Variants in DLG2 observed in about 807,000 individuals in gnomAD.
DLG2 encodes the protein discs large MAGUK scaffold protein 2.
Under a neutral mutation model 132.5 loss-of-function variants are expected in DLG2, and 45 were observed. That is an observed-to-expected ratio of 0.34 (90% CI 0.27 to 0.44). The LOEUF is 0.44. Ranked by LOEUF, DLG2 falls within the 20% of genes least tolerant of loss-of-function variation. The pLI is 1.00. For synonymous variants in DLG2, 424 were observed against 419.6 expected, an observed-to-expected ratio of 1.01 and a Z score of -0.13; for missense variants, 1,045 against 1,196.9, an observed-to-expected ratio of 0.87 and a Z score of 1.87.
At chr11:84,172,977 G>A (rs1309607385) in intron 8 of DLG2, among the ~76,000 whole-genome samples, 7 of 151,338 alleles carry the variant, frequency 4.6e-5, no homozygotes, top group African/African-American at 7.3e-5. Flanking sequence ...GAAAGCACAC[G>A]TTTTTTTGTA....
rs975405750 is a variant in DLG2 at position 84,304,633 on chromosome 11, A to G, written c.520-53342T>C. Among the ~76,000 whole-genome samples the G allele has an allele frequency of 2.2e-3, 331 of 152,338 alleles. 5 individuals are homozygous for G. The highest frequency in any genetic ancestry group is 2.9e-4 in the Non-Finnish European group (20 of 68,028). On this transcript the variant is annotated intron_variant, in intron 7 of 27. Coordinates refer to ENST00000376104, the MANE Select transcript of DLG2 (RefSeq NM_001142699.3). ...CAGCACAAAAACAGCTACAGACAAT[A>G]TGTAAACAAATAAGCATGGCTGTGT... is the stretch of plus-strand genomic sequence containing the variant.
At chr11:84,219,726 T>A (rs1227308509) in intron 8 of DLG2, among the ~76,000 whole-genome samples, 2 of 152,212 alleles carry the variant, frequency 1.3e-5, no homozygotes, top group African/African-American at 4.8e-5. Context: ...AGCTTACATA[T>A]GTGCGCCTGC....
intron 7 of DLG2, among the ~76,000 whole-genome samples, chr11:84,399,456 C>T (rs1206502754): frequency 1.3e-5 from 2 of 152,148 alleles, no homozygotes; most frequent in African/African-American, 2.4e-5. Flanking sequence ...GAAAGAGTCT[C>T]GCTCTGTCAC....
intron 14 of DLG2, among the ~76,000 whole-genome samples, chr11:83,938,036 G>C (rs1281981623): frequency 6.6e-6 from 1 of 152,138 alleles, no homozygotes; most frequent in African/African-American, 2.4e-5. Context: ...ATTGTGATTT[G>C]TTATAACAGC....
At position 85,295,303 on chromosome 11, in the gene DLG2, A is replaced by T. The variant is rs543769183; in HGVS notation, c.41-9938T>A. On this transcript the variant is annotated intron_variant, in intron 3 of 27. Transcript: ENST00000376104. Reference sequence around the variant, plus strand: ...CATATTCTTTCATGCCTACCTCCCCACTAAAAAATTCCCAATATCTTCCAA... The same window carrying T: ...CATATTCTTTCATGCCTACCTCCCCTCTAAAAAATTCCCAATATCTTCCAA... 3.3e-5 allele frequency among the ~76,000 whole-genome samples: 5 copies of T among 152,154 alleles called. No individual in the cohort carries two copies. The East Asian group carries it at 9.8e-4, about 30-fold the overall frequency.
intron 18 of DLG2, among the ~76,000 whole-genome samples, chr11:83,677,152 T>C (rs2077877536): frequency 1.3e-5 from 2 of 152,158 alleles, no homozygotes; most frequent in African/African-American, 4.8e-5. Context: ...ATATGAATGA[T>C]TCATGTTTAT....
chr11:85,034,993 T>A (rs2061333508), intron 6 of DLG2, among the ~76,000 whole-genome samples: 1 of 152,196 alleles, frequency 6.6e-6, no homozygotes. Context: ...AGATAAATAA[T>A]AACAGAAGGC....
intron 6 of DLG2, among the ~76,000 whole-genome samples, chr11:84,727,191 T>C (rs1381646991): frequency 2.0e-5 from 3 of 152,202 alleles, no homozygotes; most frequent in Admixed American, 6.5e-5. Flanking sequence ...CTGAATGGTA[T>C]TGCCCAGGTT....
At chr11:83,809,084 T>C (rs1753927727) in intron 17 of DLG2, among the ~76,000 whole-genome samples, 1 of 152,180 alleles carries the variant, frequency 6.6e-6, no homozygotes, top group Non-Finnish European at 1.5e-5. Flanking sequence ...CTGGTTGATT[T>C]ATCGTGCTTT....
chr11:85,500,408 G>C (rs1157735410), intron 3 of DLG2, among the ~76,000 whole-genome samples: 1 of 109,518 alleles, frequency 9.1e-6, no homozygotes, highest in Non-Finnish European at 1.7e-5. Flanking sequence ...GGGGGAGGGG[G>C]GAGGGATAGC....
chr11:84,166,185 A>C (rs1344414528), intron 8 of DLG2, among the ~76,000 whole-genome samples: 1 of 152,178 alleles, frequency 6.6e-6, no homozygotes, highest in Non-Finnish European at 1.5e-5. Flanking sequence ...GAGGGAAAGA[A>C]TGAGACAGAA....
At chr11:84,018,895 T>C (rs1434204645) in intron 11 of DLG2, among the ~76,000 whole-genome samples, 1 of 151,418 alleles carries the variant, frequency 6.6e-6, no homozygotes, top group Non-Finnish European at 1.5e-5. Context: ...GGAAAACATA[T>C]AGGAATAGAG....
chr11:84,158,901 T>C (rs1377745), intron 9 of DLG2, among the ~76,000 whole-genome samples: 99,744 of 152,156 alleles, frequency 0.66, 34,874 homozygotes, highest in Middle Eastern at 0.82. Flanking sequence ...AGAATAATTA[T>C]ATATGCTGCT....
intron 5 of DLG2, among the ~76,000 whole-genome samples, chr11:85,138,896 CCCAAAGCACACTGG>C (rs1566923175): frequency 6.6e-6 from 1 of 151,882 alleles, no homozygotes; most frequent in Non-Finnish European, 1.5e-5. Flanking sequence ...CTAATACATA[CCCAAAGCACACTGG>C]CCTGTTACCT....
intron 6 of DLG2, among the ~76,000 whole-genome samples, chr11:84,935,262 C>A (rs1365132992): frequency 1.3e-5 from 2 of 152,108 alleles, no homozygotes; most frequent in Admixed American, 6.6e-5. Flanking sequence ...ATATTCTTGA[C>A]CCCTCTAATC....
intron 11 of DLG2, among the ~76,000 whole-genome samples, chr11:84,013,667 G>C (rs926094491): frequency 3.3e-5 from 5 of 151,946 alleles, no homozygotes; most frequent in African/African-American, 4.8e-5. Flanking sequence ...AGAAGTTCGA[G>C]ATCAGCCTGG....
intron 6 of DLG2, among the ~76,000 whole-genome samples, chr11:84,591,510 T>C (rs1217296291): frequency 6.6e-6 from 1 of 151,638 alleles, no homozygotes; most frequent in Non-Finnish European, 1.5e-5. Flanking sequence ...CTACTAAAAA[T>C]ACAAAAATTT....
chr11:83,629,436 C>A (rs1461827760), intron 19 of DLG2, among the ~76,000 whole-genome samples: 2 of 152,150 alleles, frequency 1.3e-5, no homozygotes, highest in Non-Finnish European at 2.9e-5. Context: ...TTTCCTGTGA[C>A]CTTTTTCTCC....
intron 14 of DLG2, among the ~76,000 whole-genome samples, chr11:83,950,931 C>T (rs187213798): frequency 9.6e-4 from 146 of 152,232 alleles, no homozygotes; most frequent in African/African-American, 3.3e-3. Context: ...CCCCTCCACA[C>T]TTCCACTTTG....
Sources: gnomAD v4.1 joint callset for allele counts (sites outside exome capture counted in the v4.1 genomes callset) on GRCh38, gnomAD v4.1.1 for gene constraint, MANE v1.5 for transcripts, NCBI Gene and HGNC (gene_info 2026-07-23, HGNC 2026-07-21) for gene names.